IFT52: variants seen among roughly 807,000 people sequenced by gnomAD.
IFT52 encodes intraflagellar transport 52.
Under a neutral mutation model 54.4 loss-of-function variants are expected in IFT52, and 44 were observed. The observed-to-expected ratio is 0.81, with a 90% confidence interval of 0.63 to 1.04. The LOEUF (loss-of-function observed/expected upper bound fraction) is 1.04. IFT52 is among the 50% of genes least tolerant of loss of function. IFT52 has a pLI of 0.00. For synonymous variants in IFT52, 181 were observed against 185.3 expected (o/e 0.98, Z 0.19); for missense variants, 452 against 523.6 (o/e 0.86, Z 1.33).
intron 6 of IFT52, among the ~76,000 whole-genome samples, chr20:43,613,347 A>C (rs1306891220): frequency 6.6e-6 from 1 of 152,216 alleles, no homozygotes; most frequent in Non-Finnish European, 1.5e-5. Flanking sequence ...TAGTTCTCCC[A>C]GTTACAGTCA....
chr20:43,620,979 G>A (rs1984258974), intron 9 of IFT52, 54 bp downstream of exon 9: 1 of 1,243,946 alleles, frequency 8.0e-7, no homozygotes, highest in East Asian at 2.3e-5. Flanking sequence ...CAGCTTCTCA[G>A]TACCACTTCT....
At chr20:43,624,152 A>G in intron 10 of IFT52, 107 bp downstream of exon 10, 1 of 1,205,304 alleles carries the variant, frequency 8.3e-7, no homozygotes, top group Non-Finnish European at 1.2e-6. Context: ...TGTGGCATGC[A>G]GAACATGTTC....
rs1173364995 is a variant in IFT52, at chr20:43,644,550, G to A, written c.1266+1926G>A. Among the ~76,000 whole-genome samples the A allele has an allele frequency of 3.4e-5, 2 of 58,386 alleles. 1 individual carries two copies. Among genetic ancestry groups the A allele is most frequent in the Non-Finnish European group, 8.2e-5 (2 of 24,334 alleles). 38.3% of individuals were successfully genotyped at this position (58,386 alleles called of 152,430 possible). A position where few individuals can be genotyped will look rare whatever the true frequency, so the allele number is the denominator to read the frequency against. On this transcript the variant is annotated intron_variant, in intron 13 of 13. Coordinates refer to ENST00000373030, the MANE Select transcript of IFT52 (RefSeq NM_016004.5). Reference sequence around the variant, plus strand: ...TAATCCCAGCACTTTGGGAGGCTGAGGCGGGTGGATCACGAGGTCAGGAGT... The same window carrying A: ...TAATCCCAGCACTTTGGGAGGCTGAAGCGGGTGGATCACGAGGTCAGGAGT...
At chr20:43,597,246 C>T (rs1235952770) in intron 3 of IFT52, among the ~76,000 whole-genome samples, 1 of 151,604 alleles carries the variant, frequency 6.6e-6, no homozygotes, top group Non-Finnish European at 1.5e-5. Context: ...TGGCGCATTC[C>T]TGTAATCCCA....
chr20:43,646,066 C>T (rs1038263943), intron 13 of IFT52, among the ~76,000 whole-genome samples: 9 of 151,726 alleles, frequency 5.9e-5, no homozygotes, highest in Non-Finnish European at 1.0e-4. Context: ...AAAAAATTAG[C>T]CGCGCGTGGT....
chr20:43,642,433 G>A, intron 12 of IFT52, 46 bp from the exon 13 acceptor site: 3 of 1,585,914 alleles, frequency 1.9e-6, no homozygotes, highest in Admixed American at 1.7e-5. Flanking sequence ...ACTTTGGGAA[G>A]GGCAGAAGTT....
chr20:43,625,794 G>A (rs573581678), intron 10 of IFT52, among the ~76,000 whole-genome samples: 4 of 152,014 alleles, frequency 2.6e-5, no homozygotes, highest in African/African-American at 9.6e-5. Context: ...TTTCACTCTG[G>A]GTGAAAAGAG....
intron 3 of IFT52, among the ~76,000 whole-genome samples, chr20:43,600,909 T>A (rs1447606768): frequency 6.6e-6 from 1 of 152,040 alleles, no homozygotes; most frequent in East Asian, 1.9e-4. Flanking sequence ...AGGCGAAGTT[T>A]GCAGTGAGCC....
chr20:43,597,045 G>C (rs1418495160), intron 3 of IFT52, among the ~76,000 whole-genome samples: 5 of 150,616 alleles, frequency 3.3e-5, no homozygotes, highest in African/African-American at 4.9e-5. Context: ...CCAGCCAGTA[G>C]CCACATTTCT....
intron 1 of IFT52, among the ~76,000 whole-genome samples, chr20:43,592,023 A>G (rs1259706133): frequency 1.3e-5 from 2 of 152,222 alleles, no homozygotes; most frequent in African/African-American, 4.8e-5. Flanking sequence ...CATTGAAGAG[A>G]TGAATTGGGG....
chr20:43,605,117 TG>T (rs1982756142), intron 6 of IFT52, 44 bp downstream of exon 6: 3 of 1,595,326 alleles, frequency 1.9e-6, no homozygotes, highest in Non-Finnish European at 2.6e-6. Flanking sequence ...TGTATCATTT[TG>T]GAGTCTTCTT....
At chr20:43,611,441 CTTTTTTTTTTTTTTTTT>C (rs11469500) in intron 6 of IFT52, among the ~76,000 whole-genome samples, 2 of 55,080 alleles carry the variant, frequency 3.6e-5, no homozygotes, top group African/African-American at 1.6e-4. Context: ...AAATGTCAGT[CTTTTTTTTTTTTTTTTT>C]TTTTTTTTTT....
chr20:43,625,025 C>A (rs1042845553), intron 10 of IFT52, among the ~76,000 whole-genome samples: 1 of 152,038 alleles, frequency 6.6e-6, no homozygotes, highest in Non-Finnish European at 1.5e-5. Flanking sequence ...ACTACTTTTC[C>A]AGGATCTTGG....
chr20:43,601,043 G>A lies in IFT52; in HGVS notation c.208-2717G>A, dbSNP rs571767889. 6.6e-5 allele frequency among the ~76,000 whole-genome samples: 10 copies of A among 152,154 alleles called. No individual in the cohort carries two copies. In the South Asian group the frequency reaches 8.3e-4, roughly 13 times the overall value. ...TTTGCTTTTTCTTTTTTAAACCTCC[G>A]TGACTATCTGAGAAGATATTCAAAT... On this transcript the variant is annotated intron_variant, in intron 3 of 13. Transcript: ENST00000373030.
At chr20:43,639,282 A>G (rs527517987) in intron 12 of IFT52, among the ~76,000 whole-genome samples, 1 of 151,730 alleles carries the variant, frequency 6.6e-6, no homozygotes, top group Non-Finnish European at 1.5e-5. Flanking sequence ...TCATGCCTAT[A>G]ATCTGAACAC....
Position 43,620,920 on chromosome 20 carries a change from C to G in IFT52, c.763C>G (p.Pro255Ala). Residue 255 changes from proline to alanine, a missense_variant, in exon 9 of 14, where the codon CCA becomes GCA. Transcript: ENST00000373030. Reference protein sequence around the residue: ...IHLNQIDAEDPEISDYMMLPY... With the variant: ...IHLNQIDAEDAEISDYMMLPY... ...CCTAAACCAGATTGATGCTGAGGACCCAGAGGTAGACACCGAATTATTAGA... is the reference window on the plus strand; with the variant it reads ...CCTAAACCAGATTGATGCTGAGGACGCAGAGGTAGACACCGAATTATTAGA... 1 of 1,610,082 alleles carries G rather than the reference C, an allele frequency of 6.2e-7. No individual in the cohort carries two copies. Among genetic ancestry groups the G allele is most frequent in the Non-Finnish European group, 8.5e-7 (1 of 1,177,492 alleles).
chr20:43,612,311 ATGTG>A (rs2145618120), intron 6 of IFT52, among the ~76,000 whole-genome samples: 1 of 152,238 alleles, frequency 6.6e-6, no homozygotes, highest in Non-Finnish European at 1.5e-5. Context: ...AGTTTGGAGA[ATGTG>A]GGCCAAGTAC....
chr20:43,635,691 T>C (rs140397750), intron 10 of IFT52, among the ~76,000 whole-genome samples: 29 of 152,352 alleles, frequency 1.9e-4, no homozygotes, highest in African/African-American at 5.8e-4. Context: ...GTTGATTCCA[T>C]GTCTTTGCTA....
At position 43,642,578 on chromosome 20, in the gene IFT52, T is replaced by C. The variant is rs774252069; in HGVS notation, c.1220T>C (p.Leu407Pro). Residue 407 changes from leucine to proline, a missense_variant, in exon 13 of 14, where the codon CTT (leucine) becomes CCT (proline). Physicochemically the swap from Leu to Pro is moderately conservative, Grantham distance 98 (BLOSUM62 -3). Coordinates refer to ENST00000373030, the MANE Select transcript of IFT52 (RefSeq NM_016004.5). ...GACCAACAGGATGCCAAACATATCCTTGAGCACGTCTTCTTCCAAGTGGTG... is the reference window on the plus strand; with the variant it reads ...GACCAACAGGATGCCAAACATATCCCTGAGCACGTCTTCTTCCAAGTGGTG... ...PKDQQDAKHI[L>P]EHVFFQVVEF... 11 of 1,614,184 alleles carry C rather than the reference T, an allele frequency of 6.8e-6. No individual in the cohort carries two copies. Among genetic ancestry groups the C allele is most frequent in the Non-Finnish European group, 9.3e-6 (11 of 1,180,028 alleles).
Sources: gnomAD v4.1 joint callset for allele counts (sites outside exome capture counted in the v4.1 genomes callset) on GRCh38, gnomAD v4.1.1 for gene constraint, MANE v1.5 for transcripts, NCBI Gene and HGNC (gene_info 2026-07-23, HGNC 2026-07-21) for gene names.